USP48: variants seen among roughly 807,000 people sequenced by gnomAD.
USP48 encodes ubiquitin carboxyl-terminal hydrolase 48.
USP48 carries 43 observed loss-of-function variants against 150.7 expected under a neutral mutation model. The ratio of observed to expected loss-of-function variants is 0.29; its 90% confidence interval spans 0.22 to 0.37. The LOEUF (loss-of-function observed/expected upper bound fraction) is 0.37, where lower values mean the gene tolerates loss of function less well. USP48 is among the 10% of genes least tolerant of loss of function. The pLI is 1.00. For synonymous variants in USP48, 396 were observed against 425.9 expected, an observed-to-expected ratio of 0.93 and a Z score of 0.86; for missense variants, 813 against 1,249.6, an observed-to-expected ratio of 0.65 and a Z score of 5.27.
Position 21,728,332 on chromosome 1 carries a change from C to T in USP48, c.1450+238G>A, listed in dbSNP as rs114758977. The T allele has an allele frequency of 1.6e-3, 2,013 of 1,271,766 alleles. 3 individuals are homozygous for T. The highest frequency in any genetic ancestry group is 1.9e-3 in the Non-Finnish European group (1,916 of 1,010,452). The allele number at this position is 1,271,766 out of a possible 1,614,324, so 78.8% of individuals were successfully genotyped here. Reference sequence around the variant, plus strand: ...AATACTCATGGATGCAGAGTGCTGACCTAAATGTTATAATTTATTAACAGC... The same window carrying T: ...AATACTCATGGATGCAGAGTGCTGATCTAAATGTTATAATTTATTAACAGC... On this transcript the variant is annotated intron_variant, in intron 11 of 26. Coordinates refer to ENST00000308271, the MANE Select transcript of USP48 (RefSeq NM_032236.8).
intron 18 of USP48, 124 bp from the exon 19 acceptor site, chr1:21,705,961 C>T: frequency 9.8e-7 from 1 of 1,016,036 alleles, no homozygotes; most frequent in Non-Finnish European, 1.3e-6. Context: ...CAATGTGTTT[C>T]TTAGGCTTAT....
chr1:21,772,935 CAAGAAAGA>C (rs981530204), intron 1 of USP48, among the ~76,000 whole-genome samples: 1 of 134,182 alleles, frequency 7.5e-6, no homozygotes, highest in Non-Finnish European at 1.6e-5. Flanking sequence ...AAAAAAAAAC[CAAGAAAGA>C]AAGAAAGAAA....
intron 23 of USP48, among the ~76,000 whole-genome samples, chr1:21,693,182 A>T (rs1042003387): frequency 2.6e-5 from 4 of 152,248 alleles, no homozygotes; most frequent in African/African-American, 9.6e-5. Flanking sequence ...ATCTTTGGGA[A>T]AATGAAATAA....
In USP48 at chr1:21,720,531, C is replaced by CT. The variant is rs879555456; in HGVS notation, c.1894+504dup. 4.6e-3 allele frequency among the ~76,000 whole-genome samples: 650 copies of CT among 140,536 alleles called. 4 individuals are homozygous for CT. The highest frequency in any genetic ancestry group is 0.013 in the African/African-American group (523 of 38,920). The allele number at this position is 140,536 out of a possible 152,430, so 92.2% of individuals were successfully genotyped here. ...GCTCATTTTTTGGGTTTTTCTTTTT[C>CT]TTTTTTTTTTTTAAGAGACAGAGTC... On this transcript the variant is annotated intron_variant, in intron 14 of 26. Transcript: ENST00000308271.
intron 1 of USP48, among the ~76,000 whole-genome samples, chr1:21,765,901 C>CAAAAAAAAAA (rs199539331): frequency 4.5e-5 from 5 of 112,150 alleles, no homozygotes; most frequent in African/African-American, 1.2e-4. Context: ...ACTCCATCTC[C>CAAAAAAAAAA]AAAAAAAAAA....
intron 1 of USP48, among the ~76,000 whole-genome samples, chr1:21,767,956 C>T (rs2097866596): frequency 6.6e-6 from 1 of 152,062 alleles, no homozygotes. Context: ...GCCTGCAATC[C>T]CAGCACTCTG....
chr1:21,782,689 G>C (rs917766037), intron 1 of USP48, 135 bp downstream of exon 1: 6 of 1,336,112 alleles, frequency 4.5e-6, no homozygotes, highest in East Asian at 3.0e-5. Flanking sequence ...CGGCGCAAAG[G>C]GGGAAACTCC....
At chr1:21,729,417 G>A (rs1385939599) in intron 10 of USP48, among the ~76,000 whole-genome samples, 1 of 152,080 alleles carries the variant, frequency 6.6e-6, no homozygotes, top group Non-Finnish European at 1.5e-5. Flanking sequence ...AATATCTATA[G>A]ATAATTAAAT....
rs1337359616 is a variant in USP48, at chr1:21,721,089, T to C, written c.1841A>G (p.Asp614Gly). 5 of 1,614,164 alleles carry C rather than the reference T, an allele frequency of 3.1e-6. No individual in the cohort carries two copies. The highest frequency in any genetic ancestry group is 4.2e-6 in the Non-Finnish European group (5 of 1,180,058). The change falls in exon 14 of 27, where the codon GAT (aspartate) becomes GGT (glycine). Residue 614 changes from aspartate (D) to glycine (G), a missense_variant. Coordinates refer to ENST00000308271, the MANE Select transcript of USP48 (RefSeq NM_032236.8). ...QLALEQLDEQ[D>G]GDAEQSNGKM... ...TCCGTTGCTTTGTTCTGCATCACCA[T>C]CTTGCTCATCCAGCTGTTCAAGAGC...
rs1006283797 is a variant in USP48, at chr1:21,728,586, C to T, written c.1434G>A (p.Arg478=). 1 of 1,614,080 alleles carries T rather than the reference C, an allele frequency of 6.2e-7. No individual in the cohort carries two copies. The highest frequency in any genetic ancestry group is 1.3e-5 in the African/African-American group (1 of 75,052). ...KHEEVKELYQ[R]LPAGAEPYEF... ...CTTACAGACCAGCTCCAGCAGGTAACCTTTGGTACAGCTCCTTAACCTCTT... is the reference window on the plus strand; with the variant it reads ...CTTACAGACCAGCTCCAGCAGGTAATCTTTGGTACAGCTCCTTAACCTCTT... The change falls in exon 11 of 27, where the codon AGG becomes AGA. Residue 478 remains arginine, a synonymous_variant. Transcript: ENST00000308271.
chr1:21,699,411 G>C (rs1371589482), intron 22 of USP48, among the ~76,000 whole-genome samples: 3 of 150,304 alleles, frequency 2.0e-5, no homozygotes, highest in Non-Finnish European at 4.4e-5. Flanking sequence ...TGTTAGCCAG[G>C]ATGGTCTCAA....
intron 8 of USP48, among the ~76,000 whole-genome samples, chr1:21,743,761 C>T (rs1403900929): frequency 4.6e-5 from 7 of 152,106 alleles, no homozygotes; most frequent in African/African-American, 9.7e-5. Flanking sequence ...GGGGAGTACA[C>T]ATAATTCATA....
chr1:21,752,707 A>G, intron 4 of USP48, 56 bp from the exon 5 acceptor site: 1 of 1,528,224 alleles, frequency 6.5e-7, no homozygotes, highest in African/African-American at 1.4e-5. Context: ...AACTTCTACT[A>G]CAAATAGTAA....
chr1:21,716,380 T>C (rs2097704352), intron 14 of USP48, among the ~76,000 whole-genome samples: 1 of 152,108 alleles, frequency 6.6e-6, no homozygotes, highest in Non-Finnish European at 1.5e-5. Flanking sequence ...ATAGCACAGA[T>C]AAGCTGGACA....
intron 6 of USP48, among the ~76,000 whole-genome samples, chr1:21,749,657 C>T (rs1046191477): frequency 1.3e-5 from 2 of 151,814 alleles, no homozygotes; most frequent in African/African-American, 4.8e-5. Context: ...GGCTGGGGTG[C>T]AGTGGTCCAA....
At chr1:21,705,474 G>A in intron 19 of USP48, among the ~76,000 whole-genome samples, 1 of 152,170 alleles carries the variant, frequency 6.6e-6, no homozygotes, top group East Asian at 1.9e-4. Context: ...CGGGGGAAGA[G>A]AAAGGGTGGC....
intron 8 of USP48, among the ~76,000 whole-genome samples, chr1:21,741,508 C>G (rs1333705704): frequency 6.6e-6 from 1 of 152,228 alleles, no homozygotes; most frequent in Non-Finnish European, 1.5e-5. Flanking sequence ...CTTTCACCCA[C>G]AGACCCTTAC....
chr1:21,694,572 CAAAAAAAAAAAAAAAA>C (rs1204062748), intron 23 of USP48, among the ~76,000 whole-genome samples: 1 of 12,018 alleles, frequency 8.3e-5, no homozygotes, highest in Non-Finnish European at 1.2e-4. Context: ...TCTGTCTCAC[CAAAAAAAAAAAAAAAA>C]AAAAAAAAAA....
chr1:21,733,610 C>T (rs2097762161), intron 9 of USP48, among the ~76,000 whole-genome samples: 2 of 152,036 alleles, frequency 1.3e-5, no homozygotes, highest in Non-Finnish European at 2.9e-5. Context: ...TATGAAAACA[C>T]TGGAATGAGA....
Sources: gnomAD v4.1 joint callset for allele counts (sites outside exome capture counted in the v4.1 genomes callset) on GRCh38, gnomAD v4.1.1 for gene constraint, MANE v1.5 for transcripts, NCBI Gene and HGNC (gene_info 2026-07-23, HGNC 2026-07-21) for gene names.